THADA: variants seen among roughly 807,000 people sequenced by gnomAD.
THADA encodes the protein tRNA (32-2'-O)-methyltransferase regulator THADA.
Under a neutral mutation model 219.8 loss-of-function variants are expected in THADA, and 213 were observed. The observed-to-expected ratio is 0.97, with a 90% CI of 0.87 to 1.09. The LOEUF (loss-of-function observed/expected upper bound fraction) is 1.09. THADA is among the 50% of genes least tolerant of loss of function. The pLI, the probability that THADA is intolerant of heterozygous loss-of-function variation, is 0.00. For missense variants in THADA, 2,956 were observed against 2,311.3 expected (o/e 1.28, Z -5.72); for synonymous variants, 1,018 against 828.9 (o/e 1.23, Z -3.92).
intron 26 of THADA, chr2:43,463,366 C>T (rs1282741985): frequency 6.6e-6 from 1 of 152,152 alleles, no homozygotes; most frequent in Non-Finnish European, 1.5e-5. Context: ...GCTGGCAGCT[C>T]TTGTAAATAA....
At chr2:43,281,074 C>T (rs1170439708) in intron 35 of THADA, among the ~76,000 whole-genome samples, 1 of 152,162 alleles carries the variant, frequency 6.6e-6, no homozygotes, top group African/African-American at 2.4e-5. Flanking sequence ...ACGCAGCATC[C>T]CCATCCTTTC....
intron 34 of THADA, among the ~76,000 whole-genome samples, chr2:43,289,658 T>C (rs1486952289): frequency 6.6e-6 from 1 of 152,202 alleles, no homozygotes; most frequent in Non-Finnish European, 1.5e-5. Flanking sequence ...TGTTTGTTTG[T>C]TTGCTTTTTT....
chr2:43,360,548 C>G (rs907359864), intron 29 of THADA, among the ~76,000 whole-genome samples: 3 of 152,188 alleles, frequency 2.0e-5, no homozygotes, highest in African/African-American at 4.8e-5. Context: ...TCCCCAAGCT[C>G]ATCTTGAGGA....
chr2:43,403,586 T>A (rs1173974332), intron 28 of THADA, among the ~76,000 whole-genome samples: 4 of 152,086 alleles, frequency 2.6e-5, no homozygotes, highest in African/African-American at 9.7e-5. Flanking sequence ...TCCCCTTCCA[T>A]CCTACCTCAT....
chr2:43,499,882 G>C (rs1467804133), intron 24 of THADA, among the ~76,000 whole-genome samples: 1 of 151,860 alleles, frequency 6.6e-6, no homozygotes, highest in African/African-American at 2.4e-5. Flanking sequence ...TAAGTCAAGA[G>C]AAAATAAGTC....
At chr2:43,351,651 G>T (rs536055552) in intron 29 of THADA, among the ~76,000 whole-genome samples, 2 of 152,264 alleles carry the variant, frequency 1.3e-5, no homozygotes, top group South Asian at 4.1e-4. Context: ...ATCTGGCAGG[G>T]AGAGGGGCTG....
chr2:43,395,301 C>T (rs774245991), intron 29 of THADA, among the ~76,000 whole-genome samples: 1 of 152,210 alleles, frequency 6.6e-6, no homozygotes, highest in Non-Finnish European at 1.5e-5. Flanking sequence ...CATTCCAGCC[C>T]TGCTCTTTTG....
chr2:43,569,338 T>C (rs1440394620), intron 14 of THADA, among the ~76,000 whole-genome samples: 1 of 152,208 alleles, frequency 6.6e-6, no homozygotes, highest in African/African-American at 2.4e-5. Context: ...TCTCGGCCTT[T>C]TAGCTAAGAT....
intron 26 of THADA, among the ~76,000 whole-genome samples, chr2:43,462,853 T>C (rs954737693): frequency 1.3e-5 from 2 of 152,076 alleles, no homozygotes; most frequent in African/African-American, 4.8e-5. Flanking sequence ...GTTCAAAATA[T>C]AAAGGTAAAC....
intron 17 of THADA, among the ~76,000 whole-genome samples, chr2:43,552,810 GAA>G (rs755530433): frequency 1.5e-5 from 2 of 136,406 alleles, no homozygotes. Context: ...GCCACCAAAC[GAA>G]AAAAAAAAAA....
intron 22 of THADA, among the ~76,000 whole-genome samples, chr2:43,512,508 T>C (rs910849621): frequency 6.6e-6 from 1 of 152,252 alleles, no homozygotes; most frequent in Non-Finnish European, 1.5e-5. Flanking sequence ...GTTTTTGTTT[T>C]GTTTTGTTTT....
chr2:43,308,083 T>C (rs1038213246), intron 31 of THADA, among the ~76,000 whole-genome samples: 2 of 152,134 alleles, frequency 1.3e-5, no homozygotes, highest in African/African-American at 2.4e-5. Context: ...AGGCTGGGCA[T>C]AGTGGCTCAC....
intron 3 of THADA, among the ~76,000 whole-genome samples, chr2:43,591,342 A>C (rs989494189): frequency 6.6e-6 from 1 of 152,150 alleles, no homozygotes; most frequent in Non-Finnish European, 1.5e-5. Flanking sequence ...TAAATAAAAC[A>C]AAGTGTCAAT....
At chr2:43,267,376 G>T (rs1012850782) in intron 36 of THADA, among the ~76,000 whole-genome samples, 3 of 152,248 alleles carry the variant, frequency 2.0e-5, no homozygotes, top group African/African-American at 7.2e-5. Context: ...TGCCCATGCA[G>T]CTGGCACTTG....
rs1277153456 is a variant in THADA, at chr2:43,508,778, C to T, written c.3377G>A (p.Cys1126Tyr). ...CAGCTTTTGCAGACTCACATTTGGG[C>T]ACCTAAAAGGCATATATAATCAAAT... ...FVKLTEVLNR[C>Y]PNVSLQKLPE... Residue 1126 changes from cysteine (C) to tyrosine (Y), a missense_variant and splice_region_variant, in exon 23 of 38, where the codon TGC becomes TAC. Coordinates refer to ENST00000405975, the MANE Select transcript of THADA (RefSeq NM_022065.5). The T allele has an allele frequency of 1.9e-6, 3 of 1,613,116 alleles. No individual in the cohort carries two copies. The highest frequency in any genetic ancestry group is 2.5e-6 in the Non-Finnish European group (3 of 1,179,496).
chr2:43,566,877 T>C, intron 14 of THADA, 56 bp from the exon 15 acceptor site: 1 of 1,291,760 alleles, frequency 7.7e-7, no homozygotes, highest in Non-Finnish European at 1.0e-6. Flanking sequence ...TAGGTTATAT[T>C]CAGAGTATTA....
At chr2:43,578,179 G>C (rs919177617) in intron 9 of THADA, among the ~76,000 whole-genome samples, 1 of 150,700 alleles carries the variant, frequency 6.6e-6, no homozygotes, top group Non-Finnish European at 1.5e-5. Context: ...AAGAGACAAG[G>C]TCTCACTCTG....
At chr2:43,365,808 G>A (rs1428273852) in intron 29 of THADA, among the ~76,000 whole-genome samples, 2 of 152,140 alleles carry the variant, frequency 1.3e-5, no homozygotes, top group Non-Finnish European at 2.9e-5. Flanking sequence ...ATTTGCTGAA[G>A]ATGGAAAGGC....
chr2:43,548,856 G>A (rs927389482), intron 20 of THADA, among the ~76,000 whole-genome samples: 1 of 152,168 alleles, frequency 6.6e-6, no homozygotes, highest in African/African-American at 2.4e-5. Flanking sequence ...TTCGGCTCGC[G>A]CATGGTGCGC....
Sources: gnomAD v4.1 joint callset for allele counts (sites outside exome capture counted in the v4.1 genomes callset) on GRCh38, gnomAD v4.1.1 for gene constraint, MANE v1.5 for transcripts, NCBI Gene and HGNC (gene_info 2026-07-23, HGNC 2026-07-21) for gene names.